Variants in EYS observed in about 807,000 individuals in gnomAD.
The protein encoded by EYS is protein eyes shut homolog.
In EYS, 250 loss-of-function variants were observed where a neutral mutation model predicts 282.1. The ratio of observed to expected loss-of-function variants is 0.89; its 90% CI spans 0.80 to 0.98. The LOEUF is 0.98. Among genes scored for constraint, EYS ranks in the 50% least tolerant of loss-of-function variants. The pLI, the probability that EYS is intolerant of heterozygous loss-of-function variation, is 0.00. For synonymous variants in EYS, 1,355 were observed against 1,282.9 expected (o/e 1.06, Z -1.20); for missense variants, 4,016 against 3,709.0 (o/e 1.08, Z -2.15).
rs530685272 is a variant in EYS at position 64,516,852 on chromosome 6, T to C, written c.5644+73371A>G. Reference sequence around the variant, plus strand: ...AGCTCCAAAGTAATGTAGAAAAACGTTTTTAATTTAATTGTAGAAAAAATA... The same window carrying C: ...AGCTCCAAAGTAATGTAGAAAAACGCTTTTAATTTAATTGTAGAAAAAATA... On this transcript the variant is annotated intron_variant, in intron 26 of 42. Coordinates refer to ENST00000503581, the MANE Select transcript of EYS (RefSeq NM_001142800.2). Among the ~76,000 whole-genome samples the C allele has an allele frequency of 1.3e-4, 19 of 151,916 alleles. No individual in the cohort carries two copies. The South Asian group carries it at 3.9e-3, about 31-fold the overall frequency.
chr6:65,698,538 G>A (rs1306431868), intron 1 of EYS, among the ~76,000 whole-genome samples: 1 of 152,110 alleles, frequency 6.6e-6, no homozygotes, highest in Non-Finnish European at 1.5e-5. Context: ...AATGAAGAAT[G>A]CATCTAGAAA....
chr6:65,138,306 A>G (rs146515078), intron 12 of EYS, among the ~76,000 whole-genome samples: 139 of 152,224 alleles, frequency 9.1e-4, no homozygotes, highest in Non-Finnish European at 1.7e-3. Context: ...CTATAAAATG[A>G]GTATCACAAT....
rs1448458946 is a variant in EYS at position 64,686,888 on chromosome 6, C to T, written c.3444-60643G>A. Among the ~76,000 whole-genome samples the T allele has an allele frequency of 8.3e-3, 510 of 61,266 alleles. 172 individuals are homozygous for T. The highest frequency in any genetic ancestry group is 0.018 in the Non-Finnish European group (414 of 22,744). The allele number at this position is 61,266 out of a possible 152,430, so 40.2% of individuals were successfully genotyped here. On this transcript the variant is annotated intron_variant, in intron 22 of 42. Transcript: ENST00000503581. ...ATATACGTGTATATATATATACACA[C>T]ACATATATATGTGTATATATATACA...
intron 26 of EYS, among the ~76,000 whole-genome samples, chr6:64,513,124 A>T (rs1777459605): frequency 6.6e-6 from 1 of 151,920 alleles, no homozygotes; most frequent in African/African-American, 2.4e-5. Context: ...AGGTTCTTAT[A>T]AATCTAAAAT....
chr6:64,597,826 C>A (rs1766635491), intron 24 of EYS, among the ~76,000 whole-genome samples: 1 of 152,086 alleles, frequency 6.6e-6, no homozygotes, highest in South Asian at 2.1e-4. Context: ...TATAGACAGT[C>A]ACGTAACAAA....
At chr6:63,945,390 C>T (rs1365899966) in intron 35 of EYS, among the ~76,000 whole-genome samples, 2 of 152,040 alleles carry the variant, frequency 1.3e-5, no homozygotes, top group Non-Finnish European at 2.9e-5. Flanking sequence ...TCCCACAACA[C>T]GTGGAGATTA....
chr6:65,133,748 C>G (rs1174903289), intron 12 of EYS, among the ~76,000 whole-genome samples: 2 of 151,696 alleles, frequency 1.3e-5, no homozygotes, highest in Middle Eastern at 3.4e-3. Flanking sequence ...GCAATTGCAA[C>G]AAAAGCAAAA....
intron 22 of EYS, among the ~76,000 whole-genome samples, chr6:64,657,961 G>T (rs994491594): frequency 7.9e-5 from 12 of 152,142 alleles, no homozygotes; most frequent in Admixed American, 7.9e-4. Flanking sequence ...TTCCAACGTG[G>T]TTCCATTCTC....
intron 14 of EYS, among the ~76,000 whole-genome samples, chr6:64,949,825 C>T (rs1769422885): frequency 6.6e-6 from 1 of 151,806 alleles, no homozygotes; most frequent in African/African-American, 2.4e-5. Context: ...GCCTCAGGTG[C>T]CTTCATATGT....
intron 5 of EYS, among the ~76,000 whole-genome samples, chr6:65,427,065 A>C (rs1767690801): frequency 6.6e-6 from 1 of 152,052 alleles, no homozygotes; most frequent in Admixed American, 6.6e-5. Context: ...CTTCTCTATT[A>C]TAACCTTAAA....
At chr6:65,420,835 A>C (rs1286682261) in intron 5 of EYS, among the ~76,000 whole-genome samples, 2 of 151,914 alleles carry the variant, frequency 1.3e-5, no homozygotes, top group African/African-American at 4.8e-5. Context: ...TTGGGTGATC[A>C]GTTGCATTGT....
At chr6:65,371,735 CTCTCTCTGTGTGTG>C (rs1381565902) in intron 8 of EYS, among the ~76,000 whole-genome samples, 2 of 47,914 alleles carry the variant, frequency 4.2e-5, no homozygotes, top group Admixed American at 2.4e-4. Context: ...CTCTCTCTCT[CTCTCTCTGTGTGTG>C]TGTGTGTGTG....
intron 35 of EYS, among the ~76,000 whole-genome samples, chr6:63,918,864 G>C (rs572053686): frequency 1.2e-4 from 18 of 152,290 alleles, no homozygotes; most frequent in African/African-American, 4.3e-4. Flanking sequence ...TTGTAAGAAA[G>C]AAGCAAAGTA....
chr6:65,383,452 T>C (rs949476819), intron 8 of EYS, among the ~76,000 whole-genome samples: 19 of 151,910 alleles, frequency 1.3e-4, no homozygotes, highest in Admixed American at 9.9e-4. Flanking sequence ...TTTAACTTCT[T>C]AGTTCTACTT....
At chr6:63,818,837 C>G (rs959411946) in intron 36 of EYS, among the ~76,000 whole-genome samples, 1 of 152,202 alleles carries the variant, frequency 6.6e-6, no homozygotes, top group Non-Finnish European at 1.5e-5. Flanking sequence ...CAAGGGAAAC[C>G]TCCGTGTGGC....
At chr6:64,984,690 T>C (rs903044368) in intron 14 of EYS, among the ~76,000 whole-genome samples, 1 of 151,398 alleles carries the variant, frequency 6.6e-6, no homozygotes, top group Non-Finnish European at 1.5e-5. Flanking sequence ...GGGTTTGTAA[T>C]ATGTCCTACC....
At chr6:64,641,626 C>G (rs895700761) in intron 22 of EYS, among the ~76,000 whole-genome samples, 2 of 152,078 alleles carry the variant, frequency 1.3e-5, no homozygotes, top group South Asian at 2.1e-4. Flanking sequence ...AACAGTTTCC[C>G]TTTCATACTT....
intron 31 of EYS, among the ~76,000 whole-genome samples, chr6:64,225,864 C>T (rs1766238172): frequency 6.6e-6 from 1 of 152,094 alleles, no homozygotes; most frequent in Admixed American, 6.6e-5. Context: ...AATCTTGTCT[C>T]CTTTTAGTCA....
chr6:64,807,147 T>A (rs1764455222), intron 22 of EYS, among the ~76,000 whole-genome samples: 1 of 152,050 alleles, frequency 6.6e-6, no homozygotes, highest in Non-Finnish European at 1.5e-5. Flanking sequence ...AAACTTTGCA[T>A]CAGGAAATAA....
Sources: gnomAD v4.1 joint callset for allele counts (sites outside exome capture counted in the v4.1 genomes callset) on GRCh38, gnomAD v4.1.1 for gene constraint, MANE v1.5 for transcripts, NCBI Gene and HGNC (gene_info 2026-07-23, HGNC 2026-07-21) for gene names.